The following TALDO1 variants were observed in gnomAD, a reference collection of about 807,000 sequenced individuals.
The protein encoded by TALDO1 is transaldolase.
Under a neutral mutation model 38.1 loss-of-function variants are expected in TALDO1, and 29 were observed. The ratio of observed to expected loss-of-function variants is 0.76; its 90% confidence interval spans 0.57 to 1.04. TALDO1 has a LOEUF of 1.04. TALDO1 is among the 50% of genes least tolerant of loss of function. The pLI, the probability that TALDO1 is intolerant of heterozygous loss-of-function variation, is 0.00. For missense variants in TALDO1, 499 were observed against 438.1 expected (o/e 1.14, Z -1.24); for synonymous variants, 207 against 176.8 (o/e 1.17, Z -1.36).
At chr11:752,489 CAG>C (rs1862767155) in intron 1 of TALDO1, 2 of 152,288 alleles carry the variant, frequency 1.3e-5, no homozygotes, top group Non-Finnish European at 2.9e-5. Flanking sequence ...AAGGTGAACA[CAG>C]AGGCGTTGCT....
intron 1 of TALDO1, among the ~76,000 whole-genome samples, chr11:749,304 G>A (rs1862711504): frequency 6.6e-6 from 1 of 151,188 alleles, no homozygotes; most frequent in African/African-American, 2.4e-5. Flanking sequence ...TTGGGAGGCT[G>A]AGGCAGGAGA....
chr11:757,633 T>G (rs1862860437), intron 2 of TALDO1, among the ~76,000 whole-genome samples: 1 of 152,180 alleles, frequency 6.6e-6, no homozygotes. Flanking sequence ...TAGCTGAAGA[T>G]CTTCCTGTGT....
chr11:761,580 T>A, intron 4 of TALDO1, among the ~76,000 whole-genome samples: 1 of 152,194 alleles, frequency 6.6e-6, no homozygotes, highest in East Asian at 1.9e-4. Context: ...TCCTCTATGA[T>A]GTTCTCACCC....
intron 1 of TALDO1, among the ~76,000 whole-genome samples, chr11:748,708 T>A (rs1056974732): frequency 1.3e-4 from 20 of 152,166 alleles, no homozygotes; most frequent in Non-Finnish European, 2.2e-4. Flanking sequence ...AACCATAAAA[T>A]ATGGGGATTC....
At chr11:748,196 C>T (rs950806566) in intron 1 of TALDO1, among the ~76,000 whole-genome samples, 1 of 152,242 alleles carries the variant, frequency 6.6e-6, no homozygotes, top group Non-Finnish European at 1.5e-5. Flanking sequence ...CATCAGCTAG[C>T]TCTGACCAGA....
In TALDO1 at chr11:764,916, TG is replaced by T. The variant is rs1216717570; in HGVS notation, c.*72del. 13 of 1,603,088 alleles carry T rather than the reference TG, an allele frequency of 8.1e-6. No individual in the cohort carries two copies. In the African/African-American group the frequency reaches 1.7e-4, roughly 21 times the overall value. Reference sequence around the variant, plus strand: ...GGATCTGACTGCACGTGGCTTCTGATGAATCTTGCGTTTTTTACAAATTGGA... The same window carrying T: ...GGATCTGACTGCACGTGGCTTCTGATAATCTTGCGTTTTTTACAAATTGGA... On this transcript the variant is annotated 3_prime_UTR_variant, in exon 8 of 8. Coordinates refer to ENST00000319006, the MANE Select transcript of TALDO1 (RefSeq NM_006755.2).
At chr11:763,635 C>A in intron 5 of TALDO1, 112 bp from the exon 6 acceptor site, 1 of 1,568,016 alleles carries the variant, frequency 6.4e-7, no homozygotes, top group East Asian at 2.2e-5. Flanking sequence ...CAGGTCGGCG[C>A]GGGGCAGGCA....
chr11:753,016 G>A (rs938823575), intron 1 of TALDO1, among the ~76,000 whole-genome samples: 4 of 152,148 alleles, frequency 2.6e-5, no homozygotes, highest in Non-Finnish European at 4.4e-5. Flanking sequence ...TGTTTGGTGC[G>A]TGGGGAGAAA....
intron 1 of TALDO1, among the ~76,000 whole-genome samples, chr11:751,898 C>G (rs1181865638): frequency 6.6e-6 from 1 of 152,144 alleles, no homozygotes; most frequent in Non-Finnish European, 1.5e-5. Flanking sequence ...TCTCATAACT[C>G]CCACAGCCCT....
rs752130789 is a variant in TALDO1, at chr11:760,226, C to T, written c.434C>T (p.Ser145Leu). ...GACCGAATTCTTATAAAGCTGTCAT[C>T]AACCTGGGAAGGAATTCAGGCTGGA... Reference protein sequence around the residue: ...SKDRILIKLSSTWEGIQAGKE... With the variant: ...SKDRILIKLSLTWEGIQAGKE... Residue 145 changes from serine to leucine, a missense_variant, in exon 4 of 8, where the codon TCA (serine) becomes TTA (leucine). By Grantham distance (145) the Ser-to-Leu change is moderately radical (BLOSUM62 -2). Transcript: ENST00000319006. The T allele has an allele frequency of 6.2e-7, 1 of 1,614,190 alleles. No individual in the cohort carries two copies. Among genetic ancestry groups the T allele is most frequent in the South Asian group, 1.1e-5 (1 of 91,080 alleles).
chr11:763,803 ATT>A lies in TALDO1; in HGVS notation c.695_696del (p.Ile232SerfsTer19), dbSNP rs752085688. 1 of 1,614,022 alleles carries A rather than the reference ATT, an allele frequency of 6.2e-7. No individual in the cohort carries two copies. The highest frequency in any genetic ancestry group is 1.1e-5 in the South Asian group (1 of 91,078). ...NYYKKFSYKT[I>X]VMGASFRNTG... ...CTACAAGAAGTTTAGCTACAAAACC[ATT>A]GTCATGGGCGCCTCCTTCCGCAACA... On this transcript the variant is annotated frameshift_variant, in exon 6 of 8. Transcript: ENST00000319006. LOFTEE classifies it high-confidence loss of function.
chr11:750,366 T>C (rs1862729642), intron 1 of TALDO1, among the ~76,000 whole-genome samples: 1 of 152,002 alleles, frequency 6.6e-6, no homozygotes, highest in Non-Finnish European at 1.5e-5. Context: ...GTGCACACCG[T>C]AGTCCTAGCT....
chr11:756,126 A>G lies in TALDO1; in HGVS notation c.221+124A>G, dbSNP rs549560787. 6.1e-5 allele frequency: 84 copies of G among 1,384,662 alleles called. 1 individual carries two copies. The South Asian group carries it at 1.1e-3, about 18-fold the overall frequency. The allele number at this position is 1,384,662 out of a possible 1,614,324, so 85.8% of individuals were successfully genotyped here. Reference sequence around the variant, plus strand: ...GAACTCAAGGGGGGAAAAAAACCCTATCTTTTTGCCTATTTTTGTTTATTG... The same window carrying G: ...GAACTCAAGGGGGGAAAAAAACCCTGTCTTTTTGCCTATTTTTGTTTATTG... On this transcript the variant is annotated intron_variant, in intron 2 of 7. Transcript: ENST00000319006.
intron 1 of TALDO1, among the ~76,000 whole-genome samples, chr11:750,902 C>T (rs931419066): frequency 1.3e-5 from 2 of 152,180 alleles, no homozygotes; most frequent in Non-Finnish European, 2.9e-5. Context: ...GGCCATAACT[C>T]TTCACCTCCA....
intron 1 of TALDO1, chr11:752,245 A>AT (rs757907105): frequency 0.28 from 37,051 of 134,290 alleles, 5,571 homozygotes; most frequent in African/African-American, 0.44. Context: ...AATTTTTTGT[A>AT]TTTTTTTTTT....
In TALDO1 at chr11:763,433, C is replaced by T. The variant is rs770152594; in HGVS notation, c.551C>T (p.Thr184Ile). The change falls in exon 5 of 8, where the codon ACC becomes ATC. Residue 184 changes from threonine to isoleucine, a missense_variant. Coordinates refer to ENST00000319006, the MANE Select transcript of TALDO1 (RefSeq NM_006755.2). ...GTGGCCTGTGCCGAGGCGGGTGTGA[C>T]CCTCATCTCCCCATTTGTTGGGCGC... ...QAVACAEAGVTLISPFVGRIL... is the reference protein window; with the variant it reads ...QAVACAEAGVILISPFVGRIL... 6.8e-6 allele frequency: 11 copies of T among 1,613,366 alleles called. No individual in the cohort carries two copies. The highest frequency in any genetic ancestry group is 1.3e-5 in the African/African-American group (1 of 74,624).
At chr11:764,685 G>A (rs992935738) in intron 7 of TALDO1, 128 bp from the exon 8 acceptor site, 18 of 1,483,790 alleles carry the variant, frequency 1.2e-5, no homozygotes, top group Non-Finnish European at 1.7e-5. Context: ...TGGCCACCCT[G>A]TGGCCGTGGC....
intron 1 of TALDO1, among the ~76,000 whole-genome samples, chr11:748,577 C>A (rs992877863): frequency 2.0e-5 from 3 of 152,192 alleles, no homozygotes; most frequent in African/African-American, 7.2e-5. Flanking sequence ...AAGTGACTTC[C>A]TCTCTTTTCT....
At chr11:761,737 G>A (rs1862927633) in intron 4 of TALDO1, among the ~76,000 whole-genome samples, 1 of 152,132 alleles carries the variant, frequency 6.6e-6, no homozygotes, top group Non-Finnish European at 1.5e-5. Flanking sequence ...GGAGTGCAGT[G>A]GCACGAACTT....
Sources: gnomAD v4.1 joint callset for allele counts (sites outside exome capture counted in the v4.1 genomes callset) on GRCh38, gnomAD v4.1.1 for gene constraint, MANE v1.5 for transcripts, NCBI Gene and HGNC (gene_info 2026-07-23, HGNC 2026-07-21) for gene names.